Variants in VRTN observed in about 807,000 individuals in gnomAD.
The protein encoded by VRTN is vertnin.
A neutral mutation model predicts 18.2 loss-of-function variants in VRTN; 5 were observed. That is an observed-to-expected ratio of 0.27 (90% CI 0.14 to 0.58). The LOEUF is 0.58. Ranked by LOEUF, VRTN falls within the 20% of genes least tolerant of loss-of-function variation. The pLI is 0.91. For missense variants in VRTN, 741 were observed against 939.4 expected, an observed-to-expected ratio of 0.79 and a Z score of 2.76; for synonymous variants, 381 against 393.7, an observed-to-expected ratio of 0.97 and a Z score of 0.38.
chr14:74,357,886 T>G lies in VRTN; in HGVS notation c.1103T>G (p.Val368Gly). ...TGCCCGGCCTTGCCCCCCAGGGAGG[T>G]GCTGGGCATGGAGGAGCTAGAGAAG... ...GTCPALPPRE[V>G]LGMEELEKLP... Residue 368 changes from valine (V) to glycine (G), a missense_variant, in exon 2 of 2, where the codon GTG becomes GGG. Val to Gly is a moderately radical substitution (Grantham distance 109, BLOSUM62 -3). Coordinates refer to ENST00000256362, the MANE Select transcript of VRTN (RefSeq NM_018228.3). This position sits in a 1 kb window ranked among gnomAD's most constrained non-coding sequence, Gnocchi z 7.8. The G allele has an allele frequency of 6.2e-7, 1 of 1,613,736 alleles. No individual in the cohort carries two copies. Among genetic ancestry groups the G allele is most frequent in the South Asian group, 1.1e-5 (1 of 91,070 alleles).
At chr14:74,324,440 C>T (rs1451098191) in intron 1 of VRTN, among the ~76,000 whole-genome samples, 1 of 147,170 alleles carries the variant, frequency 6.8e-6, no homozygotes, top group Non-Finnish European at 1.5e-5. Flanking sequence ...ATTTCTCTTA[C>T]AGCATTAAAA....
At chr14:74,350,830 C>G (rs2085678337) in intron 1 of VRTN, among the ~76,000 whole-genome samples, 1 of 152,166 alleles carries the variant, frequency 6.6e-6, no homozygotes, top group South Asian at 2.1e-4. Context: ...CACTGAAAAG[C>G]CTGAACTCCA....
At chr14:74,331,544 T>TTTA (rs1287566275) in intron 1 of VRTN, among the ~76,000 whole-genome samples, 15 of 43,480 alleles carry the variant, frequency 3.4e-4, no homozygotes, top group African/African-American at 8.5e-4. Flanking sequence ...AAAAAAAATT[T>TTTA]TATATATATA....
At chr14:74,345,143 G>T (rs1567044029), upstream of VRTN, among the ~76,000 whole-genome samples, 1 of 151,950 alleles carries the variant, frequency 6.6e-6, no homozygotes, top group Non-Finnish European at 1.5e-5. Flanking sequence ...CACCTCCTGG[G>T]CTTATTGATC....
upstream of VRTN, among the ~76,000 whole-genome samples, chr14:74,346,233 T>C (rs1466512093): frequency 1.3e-5 from 2 of 151,958 alleles, no homozygotes; most frequent in Non-Finnish European, 2.9e-5. Context: ...AGCTCGGAGT[T>C]TGAGGCTGCA....
At chr14:74,304,120 G>A (rs772581065) in intron 1 of VRTN, among the ~76,000 whole-genome samples, 2 of 151,590 alleles carry the variant, frequency 1.3e-5, no homozygotes, top group Non-Finnish European at 2.9e-5. Context: ...CAAAGTGTTG[G>A]GATTACAAGA....
At chr14:74,329,507 C>A (rs192112867) in intron 1 of VRTN, among the ~76,000 whole-genome samples, 122 of 152,114 alleles carry the variant, frequency 8.0e-4, no homozygotes, top group Admixed American at 1.6e-3. Context: ...CAAGAATTGA[C>A]CCACCTTGAC....
intron 1 of VRTN, among the ~76,000 whole-genome samples, chr14:74,316,499 C>T (rs1028188039): frequency 3.3e-5 from 5 of 151,584 alleles, no homozygotes; most frequent in South Asian, 2.1e-4. Flanking sequence ...GGCAACAAAG[C>T]GAGACATCTC....
intron 1 of VRTN, among the ~76,000 whole-genome samples, chr14:74,332,258 C>T (rs1474927009): frequency 6.6e-6 from 1 of 150,582 alleles, no homozygotes; most frequent in Non-Finnish European, 1.5e-5. Context: ...TGCTGCTTAC[C>T]TGGCTTTCAC....
At chr14:74,325,130 C>A (rs898684349) in intron 1 of VRTN, among the ~76,000 whole-genome samples, 2 of 151,952 alleles carry the variant, frequency 1.3e-5, no homozygotes, top group African/African-American at 4.8e-5. Flanking sequence ...CAATGGAGGG[C>A]CTAATAAAGT....
chr14:74,327,107 A>G (rs1175004550), intron 1 of VRTN, among the ~76,000 whole-genome samples: 1 of 152,124 alleles, frequency 6.6e-6, no homozygotes, highest in Non-Finnish European at 1.5e-5. Context: ...TAGGTATCCT[A>G]GTGGTTTTAT....
chr14:74,317,621 G>A (rs370936700), intron 1 of VRTN, among the ~76,000 whole-genome samples: 7 of 152,152 alleles, frequency 4.6e-5, no homozygotes, highest in Non-Finnish European at 8.8e-5. Flanking sequence ...GGCCAACATG[G>A]TGAAACTCCG....
At chr14:74,341,319 G>T (rs544203683) in intron 2 of VRTN, among the ~76,000 whole-genome samples, 2 of 152,180 alleles carry the variant, frequency 1.3e-5, no homozygotes, top group Admixed American at 1.3e-4. Flanking sequence ...GTCCCACAGG[G>T]CAAAGCTGGA....
intron 1 of VRTN, among the ~76,000 whole-genome samples, chr14:74,337,309 C>T (rs2085571854): frequency 6.6e-6 from 1 of 152,046 alleles, no homozygotes; most frequent in Admixed American, 6.6e-5. Flanking sequence ...TGCCACTTTA[C>T]TCTAGCTGGG....
intron 1 of VRTN, among the ~76,000 whole-genome samples, chr14:74,350,393 C>T (rs2085676105): frequency 6.6e-6 from 1 of 150,844 alleles, no homozygotes; most frequent in African/African-American, 2.4e-5. Flanking sequence ...TAGGGTGGGA[C>T]GAGGAGGGTG....
intron 1 of VRTN, among the ~76,000 whole-genome samples, chr14:74,335,080 G>A (rs140020237): frequency 2.1e-4 from 32 of 152,236 alleles, no homozygotes; most frequent in Non-Finnish European, 3.5e-4. Flanking sequence ...TCAGGAGTTT[G>A]AGACCAGCCT....
At chr14:74,307,137 CTTTTTTTT>C (rs56345315) in intron 1 of VRTN, among the ~76,000 whole-genome samples, 1 of 87,744 alleles carries the variant, frequency 1.1e-5, no homozygotes, top group Non-Finnish European at 2.1e-5. Flanking sequence ...TGTTGTGGCC[CTTTTTTTT>C]TTTTTTTTTT....
In VRTN at chr14:74,357,928, T is replaced by C; in HGVS notation, c.1145T>C (p.Val382Ala). The change falls in exon 2 of 2, where the codon GTG becomes GCG. Residue 382 changes from valine (V) to alanine (A), a missense_variant. By Grantham distance (64) the Val-to-Ala change is moderately conservative. Coordinates refer to ENST00000256362, the MANE Select transcript of VRTN (RefSeq NM_018228.3). This position sits in a 1 kb window ranked among gnomAD's most constrained non-coding sequence, Gnocchi z 7.8. ...EELEKLPEEQ[V>A]AEEELECSAL... is the part of the protein sequence containing the mutation. ...CTAGAGAAGCTGCCGGAGGAGCAGG[T>C]GGCTGAGGAGGAGCTGGAGTGCTCC... The C allele has an allele frequency of 1.2e-6, 2 of 1,614,118 alleles. No individual in the cohort carries two copies. The highest frequency in any genetic ancestry group is 1.7e-6 in the Non-Finnish European group (2 of 1,180,022).
intron 1 of VRTN, among the ~76,000 whole-genome samples, chr14:74,351,643 G>C (rs2085685264): frequency 6.6e-6 from 1 of 151,122 alleles, no homozygotes; most frequent in Admixed American, 6.6e-5. Flanking sequence ...TACTATGCAG[G>C]CTAATTTTTT....
Sources: gnomAD v4.1 joint callset for allele counts (sites outside exome capture counted in the v4.1 genomes callset) on GRCh38, gnomAD v4.1.1 for gene constraint, Gnocchi (gnomAD v3.1) non-coding constraint, MANE v1.5 for transcripts, NCBI Gene and HGNC (gene_info 2026-07-23, HGNC 2026-07-21) for gene names.